The following LRP1B variants were observed in gnomAD, a reference collection of about 807,000 sequenced individuals.
LRP1B encodes LDL receptor related protein 1B.
A neutral mutation model predicts 556.6 loss-of-function variants in LRP1B; 217 were observed. The ratio of observed to expected loss-of-function variants is 0.39; its 90% CI spans 0.35 to 0.44. The LOEUF (loss-of-function observed/expected upper bound fraction) is 0.44. LRP1B is among the 20% of genes least tolerant of loss of function. The pLI is 1.00. For synonymous variants in LRP1B, 2,047 were observed against 1,865.8 expected (o/e 1.10, Z -2.50); for missense variants, 5,053 against 5,620.8 (o/e 0.90, Z 3.23).
rs558292257 is a variant in LRP1B, at chr2:141,537,608, T to C, written c.206-57075A>G. ...TCTATTTGAATTTCTATTTCCTCAATTGTAAAGTATAAATATGTATTGCCA... is the reference window on the plus strand; with the variant it reads ...TCTATTTGAATTTCTATTTCCTCAACTGTAAAGTATAAATATGTATTGCCA... On this transcript the variant is annotated intron_variant, in intron 2 of 90. Transcript: ENST00000389484. Among the ~76,000 whole-genome samples, 26 of 152,274 alleles carry C rather than the reference T, an allele frequency of 1.7e-4. No individual in the cohort carries two copies. The South Asian group carries it at 5.4e-3, about 32-fold the overall frequency.
In LRP1B at chr2:140,238,294, G is replaced by C. The variant is rs2104882007; in HGVS notation, c.13418C>G (p.Thr4473Arg). Reference protein sequence around the residue: ...GLVLCKRKRRTKTIRRQPIIN... With the variant: ...GLVLCKRKRRRKTIRRQPIIN... ...AATAGGTTGTCTTCTAATTGTTTTT[G>C]TCCTAGAATATATAAACATTAATAT... The change falls in exon 89 of 91, where the codon ACA (threonine) becomes AGA (arginine). Residue 4473 changes from threonine to arginine, a missense_variant and splice_region_variant. Physicochemically the swap from Thr to Arg is moderately conservative, Grantham distance 71 (BLOSUM62 -1). Transcript: ENST00000389484. 6.7e-7 allele frequency: 1 copy of C among 1,496,958 alleles called. No homozygotes were observed. The allele number at this position is 1,496,958 out of a possible 1,614,324, so 92.7% of individuals were successfully genotyped here.
chr2:141,360,060 G>A (rs1431971236), intron 3 of LRP1B, among the ~76,000 whole-genome samples: 2 of 152,268 alleles, frequency 1.3e-5, no homozygotes, highest in South Asian at 2.1e-4. Flanking sequence ...TTTGGGTAAT[G>A]TTACTTGTAA....
intron 2 of LRP1B, among the ~76,000 whole-genome samples, chr2:141,674,876 C>CT (rs1300036743): frequency 6.6e-6 from 1 of 151,612 alleles, no homozygotes; most frequent in African/African-American, 2.4e-5. Context: ...CTAGAAATTG[C>CT]TTTTTTTTGA....
chr2:140,733,289 T>C (rs532959128), intron 35 of LRP1B, among the ~76,000 whole-genome samples: 1 of 152,264 alleles, frequency 6.6e-6, no homozygotes, highest in South Asian at 2.1e-4. Flanking sequence ...TCCTATAATA[T>C]ATGTCCTATT....
At chr2:140,768,056 C>A (rs1689178091) in intron 35 of LRP1B, among the ~76,000 whole-genome samples, 1 of 151,812 alleles carries the variant, frequency 6.6e-6, no homozygotes, top group Non-Finnish European at 1.5e-5. Flanking sequence ...GAGATTTTGG[C>A]AAAATTAACA....
chr2:141,286,888 A>G (rs1196941833), intron 3 of LRP1B: 3 of 293,158 alleles, frequency 1.0e-5, no homozygotes, highest in Admixed American at 3.5e-5. Context: ...GCATTGCCCA[A>G]TCTGGTAACT....
intron 1 of LRP1B, among the ~76,000 whole-genome samples, chr2:142,052,367 A>C (rs947879530): frequency 1.3e-5 from 2 of 152,106 alleles, no homozygotes; most frequent in African/African-American, 4.8e-5. Context: ...AGAATGAAGT[A>C]TAGGAAAAGC....
intron 3 of LRP1B, among the ~76,000 whole-genome samples, chr2:141,373,661 C>G (rs920294218): frequency 6.6e-6 from 1 of 151,648 alleles, no homozygotes; most frequent in African/African-American, 2.4e-5. Flanking sequence ...GCTACTCCTG[C>G]TTGCTTTTGG....
chr2:142,025,322 A>C (rs1703467945), intron 1 of LRP1B, among the ~76,000 whole-genome samples: 4 of 152,184 alleles, frequency 2.6e-5, no homozygotes, highest in African/African-American at 9.6e-5. Context: ...TTAATACCAC[A>C]ACTTTCTGTA....
chr2:140,745,983 A>G (rs1688300337), intron 35 of LRP1B, among the ~76,000 whole-genome samples: 1 of 152,168 alleles, frequency 6.6e-6, no homozygotes, highest in Admixed American at 6.6e-5. Context: ...AATATATCAG[A>G]TGGGTAATTC....
At chr2:141,853,713 T>C (rs1161469419) in intron 1 of LRP1B, among the ~76,000 whole-genome samples, 5 of 151,944 alleles carry the variant, frequency 3.3e-5, no homozygotes, top group Non-Finnish European at 7.4e-5. Context: ...ATAATGAGGC[T>C]ACTATAAAGT....
chr2:142,098,499 A>C (rs1195701652), intron 1 of LRP1B, among the ~76,000 whole-genome samples: 1 of 151,642 alleles, frequency 6.6e-6, no homozygotes, highest in East Asian at 1.9e-4. Flanking sequence ...TTCGTTTTCG[A>C]ATTAGAGAAC....
At chr2:141,714,441 T>C (rs1454385601) in intron 2 of LRP1B, among the ~76,000 whole-genome samples, 1 of 144,498 alleles carries the variant, frequency 6.9e-6, no homozygotes, top group Non-Finnish European at 1.5e-5. Context: ...AACTTGTCTC[T>C]GTAGGCTCTT....
chr2:141,414,178 A>G (rs184645740), intron 3 of LRP1B, among the ~76,000 whole-genome samples: 4 of 144,816 alleles, frequency 2.8e-5, no homozygotes, highest in African/African-American at 1.0e-4. Context: ...CGGAGCTTGC[A>G]GTGAGCGGAG....
At chr2:141,490,427 G>A (rs1683290582) in intron 2 of LRP1B, among the ~76,000 whole-genome samples, 1 of 145,260 alleles carries the variant, frequency 6.9e-6, no homozygotes, top group Non-Finnish European at 1.5e-5. Flanking sequence ...AATATATCAA[G>A]TGATTTTTAT....
At chr2:140,561,745 A>G (rs1680938242) in intron 43 of LRP1B, among the ~76,000 whole-genome samples, 2 of 152,126 alleles carry the variant, frequency 1.3e-5, no homozygotes, top group African/African-American at 4.8e-5. Context: ...TTTCCAATTC[A>G]TTTTATAAAA....
At chr2:140,545,088 T>C (rs887990528) in intron 43 of LRP1B, among the ~76,000 whole-genome samples, 2 of 152,080 alleles carry the variant, frequency 1.3e-5, no homozygotes, top group African/African-American at 4.8e-5. Flanking sequence ...ACTGCATATA[T>C]GTCTTCTTTA....
At chr2:140,491,935 G>C (rs1297080080) in intron 57 of LRP1B, among the ~76,000 whole-genome samples, 1 of 152,162 alleles carries the variant, frequency 6.6e-6, no homozygotes, top group Non-Finnish European at 1.5e-5. Flanking sequence ...AGGAAAGTCT[G>C]AAAACACTGG....
intron 49 of LRP1B, among the ~76,000 whole-genome samples, chr2:140,519,245 A>C (rs184730150): frequency 9.4e-4 from 143 of 152,348 alleles, no homozygotes; most frequent in African/African-American, 3.0e-3. Flanking sequence ...ACAGCATGAT[A>C]CTGGTAACAA....
Sources: gnomAD v4.1 joint callset for allele counts (sites outside exome capture counted in the v4.1 genomes callset) on GRCh38, gnomAD v4.1.1 for gene constraint, MANE v1.5 for transcripts, NCBI Gene and HGNC (gene_info 2026-07-23, HGNC 2026-07-21) for gene names.